Variants in HIVEP1 observed in about 807,000 individuals in gnomAD.
HIVEP1 encodes the protein zinc finger protein 40.
HIVEP1 carries 36 observed loss-of-function variants against 180.0 expected under a neutral mutation model. The ratio of observed to expected loss-of-function variants is 0.20; its 90% confidence interval spans 0.15 to 0.26. The LOEUF is 0.26. HIVEP1 is among the 10% of genes least tolerant of loss of function. The pLI, the probability that HIVEP1 is intolerant of heterozygous loss-of-function variation, is 1.00. For synonymous variants in HIVEP1, 1,239 were observed against 1,239.0 expected (o/e 1.00, Z 0.00); for missense variants, 3,143 against 3,268.7 (o/e 0.96, Z 0.94).
At chr6:12,161,048 A>G (rs570950619) in intron 7 of HIVEP1, among the ~76,000 whole-genome samples, 7 of 152,360 alleles carry the variant, frequency 4.6e-5, no homozygotes, top group South Asian at 2.1e-4. Flanking sequence ...CAAAATAGGG[A>G]AAAAGCTCAG....
At chr6:12,086,371 G>GTA (rs1773125166) in intron 2 of HIVEP1, among the ~76,000 whole-genome samples, 1 of 152,128 alleles carries the variant, frequency 6.6e-6, no homozygotes, top group Non-Finnish European at 1.5e-5. Context: ...CGTGGTATGA[G>GTA]TATTCTTTTT....
At chr6:12,022,213 C>G (rs575295415) in intron 2 of HIVEP1, among the ~76,000 whole-genome samples, 3 of 151,990 alleles carry the variant, frequency 2.0e-5, no homozygotes, top group Non-Finnish European at 4.4e-5. Context: ...CTCTGTCACC[C>G]AGGCTGGAGT....
At position 12,124,791 on chromosome 6, in the gene HIVEP1, A is replaced by T. The variant is rs1757951315; in HGVS notation, c.4996A>T (p.Asn1666Tyr). 7 of 1,614,218 alleles carry T rather than the reference A, an allele frequency of 4.3e-6. No homozygotes were observed. In the South Asian group the frequency reaches 7.7e-5, roughly 18 times the overall value. Reference sequence around the variant, plus strand: ...AATACTAGTGACCCAAGATCTGCCCAATCAGCCAATTTGCCAGACTAATCA... The same window carrying T: ...AATACTAGTGACCCAAGATCTGCCCTATCAGCCAATTTGCCAGACTAATCA... ...PQILVTQDLP[N>Y]QPICQTNHSV... is the part of the protein sequence containing the mutation. The change falls in exon 4 of 9, where the codon AAT becomes TAT. Residue 1666 changes from asparagine to tyrosine, a missense_variant. Coordinates refer to ENST00000379388, the MANE Select transcript of HIVEP1 (RefSeq NM_002114.4).
At chr6:12,146,466 T>G (rs1303083307) in intron 7 of HIVEP1, among the ~76,000 whole-genome samples, 2 of 152,150 alleles carry the variant, frequency 1.3e-5, no homozygotes, top group African/African-American at 2.4e-5. Flanking sequence ...ATAATAGTAA[T>G]TAGATATAAT....
chr6:12,120,438 T>C lies in HIVEP1; in HGVS notation c.643T>C (p.Ser215Pro), dbSNP rs1435906834. 4 of 1,613,986 alleles carry C rather than the reference T, an allele frequency of 2.5e-6. No homozygotes were observed. The African/African-American group carries it at 4.0e-5, about 16-fold the overall frequency. ...ACTGAGCACCTTGTCACAAAAGGGC[T>C]CACCTTGTGCAATTAAGACAGAAAA... is the stretch of plus-strand genomic sequence containing the variant. ...PELSTLSQKG[S>P]PCAIKTEKLR... is the part of the protein sequence containing the mutation. Residue 215 changes from serine to proline, a missense_variant, in exon 4 of 9, where the codon TCA (serine) becomes CCA (proline). Coordinates refer to ENST00000379388, the MANE Select transcript of HIVEP1 (RefSeq NM_002114.4).
At chr6:12,148,216 C>T (rs931026348) in intron 7 of HIVEP1, among the ~76,000 whole-genome samples, 3 of 152,212 alleles carry the variant, frequency 2.0e-5, no homozygotes, top group Admixed American at 6.5e-5. Context: ...GACAGCCCAG[C>T]AGAACAAAGC....
At position 12,164,374 on chromosome 6, in the gene HIVEP1, C is replaced by T; in HGVS notation, c.8070C>T (p.Pro2690=). Residue 2690 remains proline, a synonymous_variant, in exon 9 of 9, where the codon CCC becomes CCT. Coordinates refer to ENST00000379388, the MANE Select transcript of HIVEP1 (RefSeq NM_002114.4). ...CTCCAGACAGACAGGTTCCCAGGCC[C>T]ACAGCACTACCGCGGAGGCAGCCCA... ...TLSPDRQVPR[P]TALPRRQPTV... is the part of the protein sequence containing the mutation. The T allele has an allele frequency of 1.2e-6, 2 of 1,614,146 alleles. No homozygotes were observed. The highest frequency in any genetic ancestry group is 1.7e-6 in the Non-Finnish European group (2 of 1,180,018).
At chr6:12,142,905 C>T (rs894107470) in intron 7 of HIVEP1, among the ~76,000 whole-genome samples, 3 of 151,886 alleles carry the variant, frequency 2.0e-5, no homozygotes, top group Admixed American at 6.6e-5. Flanking sequence ...GGCTACCAAC[C>T]AAAAAAAGTC....
intron 2 of HIVEP1, among the ~76,000 whole-genome samples, chr6:12,084,002 T>C (rs1023050034): frequency 1.3e-5 from 2 of 152,174 alleles, no homozygotes; most frequent in African/African-American, 4.8e-5. Flanking sequence ...GAATGCCTTC[T>C]GTGTTATCCT....
chr6:12,115,849 C>CG (rs1277092056), intron 3 of HIVEP1, among the ~76,000 whole-genome samples: 1 of 151,534 alleles, frequency 6.6e-6, no homozygotes, highest in Non-Finnish European at 1.5e-5. Context: ...CAGAGGCTCG[C>CG]GGGGGGTGCT....
At chr6:12,174,830 T>G in the HIVEP1 span, among the ~76,000 whole-genome samples, 742 of 152,342 alleles carry the variant, frequency 4.9e-3, 5 homozygotes, top group Non-Finnish European at 8.6e-3. Flanking sequence ...GCTATTTAAA[T>G]AACTCTCTTC....
At position 12,015,646 on chromosome 6, in the gene HIVEP1, A is replaced by G. The variant is rs558209909; in HGVS notation, c.18A>G (p.Gln6=). The change falls in exon 2 of 9, where the codon CAA becomes CAG. Residue 6 remains glutamine, a synonymous_variant. Transcript: ENST00000379388. MPRTK[Q]IHPRNLRDKI... is the part of the protein sequence containing the mutation. ...CAAAGAAGATGCCTCGAACTAAACAAATTCATCCCAGAAATCTAAGAGGTA... is the reference window on the plus strand; with the variant it reads ...CAAAGAAGATGCCTCGAACTAAACAGATTCATCCCAGAAATCTAAGAGGTA... 3.9e-5 allele frequency: 63 copies of G among 1,613,812 alleles called. No individual in the cohort carries two copies. The highest frequency in any genetic ancestry group is 3.3e-4 in the Middle Eastern group (2 of 6,062).
At chr6:12,119,192 A>AGG (rs1165101853) in intron 3 of HIVEP1, among the ~76,000 whole-genome samples, 3 of 152,212 alleles carry the variant, frequency 2.0e-5, no homozygotes, top group Non-Finnish European at 2.9e-5. Flanking sequence ...ATATAAAAGG[A>AGG]GGAGATGCTG....
intron 2 of HIVEP1, among the ~76,000 whole-genome samples, chr6:12,031,781 C>T (rs1051037530): frequency 1.3e-5 from 2 of 152,174 alleles, no homozygotes; most frequent in African/African-American, 4.8e-5. Context: ...TGGTTCTTGA[C>T]AGTTTTGTGT....
intron 2 of HIVEP1, among the ~76,000 whole-genome samples, chr6:12,083,917 A>G (rs9296257): frequency 0.092 from 13,975 of 152,132 alleles, 848 homozygotes; most frequent in African/African-American, 0.15. Context: ...AGCTGTGTTC[A>G]TGTGTGGTGT....
At chr6:12,109,716 A>G (rs998965296) in intron 3 of HIVEP1, among the ~76,000 whole-genome samples, 2 of 152,180 alleles carry the variant, frequency 1.3e-5, no homozygotes, top group African/African-American at 2.4e-5. Flanking sequence ...ATCCTTGAGG[A>G]CTGGAATCTG....
At chr6:12,150,825 T>G (rs903802357) in intron 7 of HIVEP1, among the ~76,000 whole-genome samples, 1 of 152,098 alleles carries the variant, frequency 6.6e-6, no homozygotes, top group Non-Finnish European at 1.5e-5. Flanking sequence ...TTTAAAAAAA[T>G]TTTTTCCCTA....
At chr6:12,143,706 A>G (rs776430044) in intron 7 of HIVEP1, among the ~76,000 whole-genome samples, 3 of 152,230 alleles carry the variant, frequency 2.0e-5, no homozygotes, top group African/African-American at 4.8e-5. Flanking sequence ...TGCAAAATCA[A>G]TGTGCAAAAA....
intron 8 of HIVEP1, among the ~76,000 whole-genome samples, chr6:12,162,656 G>C (rs1760481015): frequency 6.6e-6 from 1 of 152,170 alleles, no homozygotes; most frequent in African/African-American, 2.4e-5. Context: ...TATTGCAATA[G>C]GATTTATGCC....
Sources: gnomAD v4.1 joint callset for allele counts (sites outside exome capture counted in the v4.1 genomes callset) on GRCh38, gnomAD v4.1.1 for gene constraint, MANE v1.5 for transcripts, NCBI Gene and HGNC (gene_info 2026-07-23, HGNC 2026-07-21) for gene names.